WDR26: variants seen among roughly 807,000 people sequenced by gnomAD.
WDR26 encodes the protein WD repeat-containing protein 26.
A neutral mutation model predicts 84.1 loss-of-function variants in WDR26; 5 were observed. The observed-to-expected ratio is 0.06, with a 90% CI of 0.03 to 0.13. The LOEUF (loss-of-function observed/expected upper bound fraction) is 0.13, where lower values mean the gene tolerates loss of function less well. WDR26 is among the 10% of genes least tolerant of loss of function. The pLI is 1.00. For synonymous variants in WDR26, 415 were observed against 389.6 expected (o/e 1.07, Z -0.77); for missense variants, 642 against 974.9 (o/e 0.66, Z 4.55).
chr1:224,401,671 C>CAAAAAAAA (rs767368281), intron 8 of WDR26, among the ~76,000 whole-genome samples: 133 of 49,576 alleles, frequency 2.7e-3, no homozygotes, highest in African/African-American at 0.013. Context: ...GAGACTGTCT[C>CAAAAAAAA]AAAAAAAAAA....
At chr1:224,422,859 A>G (rs556937087) in intron 4 of WDR26, among the ~76,000 whole-genome samples, 1 of 152,334 alleles carries the variant, frequency 6.6e-6, no homozygotes, top group Admixed American at 6.5e-5. Context: ...ATTTTTTAGA[A>G]TTAGGCCATA....
At chr1:224,409,168 G>A (rs1411046588) in intron 7 of WDR26, among the ~76,000 whole-genome samples, 1 of 152,088 alleles carries the variant, frequency 6.6e-6, no homozygotes, top group Non-Finnish European at 1.5e-5. Flanking sequence ...TATTATAGTT[G>A]TTGCAGATAC....
chr1:224,433,998 C>T lies in WDR26; in HGVS notation c.408G>A (p.Ser136=), dbSNP rs1331624290. 3 of 1,518,458 alleles carry T rather than the reference C, an allele frequency of 2.0e-6. No individual in the cohort carries two copies. Among genetic ancestry groups the T allele is most frequent in the Non-Finnish European group, 2.6e-6 (3 of 1,135,552 alleles). The allele number at this position is 1,518,458 out of a possible 1,614,324, so 94.1% of individuals were successfully genotyped here. ...AGGGGGACGACTCCCCGTTCTGGGCCGACAAGCAGGCGAGTTCCGGGGTCT... is the reference window on the plus strand; with the variant it reads ...AGGGGGACGACTCCCCGTTCTGGGCTGACAAGCAGGCGAGTTCCGGGGTCT... Residue 136 remains serine, a synonymous_variant, in exon 1 of 14, where the codon TCG becomes TCA. Coordinates refer to ENST00000414423, the MANE Select transcript of WDR26 (RefSeq NM_001379403.1).
At chr1:224,396,689 T>C (rs1673271882) in intron 12 of WDR26, among the ~76,000 whole-genome samples, 1 of 152,198 alleles carries the variant, frequency 6.6e-6, no homozygotes, top group African/African-American at 2.4e-5. Context: ...CTGGGCGCGG[T>C]GGCTCATGCC....
At chr1:224,407,151 A>AATATATATATATATATAT (rs1335487396) in intron 7 of WDR26, among the ~76,000 whole-genome samples, 257 of 11,820 alleles carry the variant, frequency 0.022, 15 homozygotes, top group Non-Finnish European at 0.024. Flanking sequence ...AAAAAAAAAA[A>AATATATATATATATATAT]ATATATATAT....
chr1:224,391,024 C>T (rs1430246640), intron 13 of WDR26, among the ~76,000 whole-genome samples: 1 of 151,848 alleles, frequency 6.6e-6, no homozygotes, highest in Non-Finnish European at 1.5e-5. Flanking sequence ...ATATTGTTTT[C>T]AAGGTCCATT....
rs965380999 is a variant in WDR26 at position 224,385,901 on chromosome 1, G to A, written c.*3934C>T. ...ACTTCACATGTGCACGAGACTTTCA[G>A]TAAAAATGACAAGATCCTAGAACAG... On this transcript the variant is annotated 3_prime_UTR_variant, in exon 14 of 14. Coordinates refer to ENST00000414423, the MANE Select transcript of WDR26 (RefSeq NM_001379403.1). The A allele has an allele frequency of 2.6e-5, 4 of 152,202 alleles. No individual in the cohort carries two copies. Among genetic ancestry groups the A allele is most frequent in the African/African-American group, 9.7e-5 (4 of 41,396 alleles). 9.4% of individuals were successfully genotyped at this position (152,202 alleles called of 1,614,324 possible).
rs1672985774 is a variant in WDR26, at chr1:224,386,093, C to G, written c.*3742G>C. 1 of 152,576 alleles carries G rather than the reference C, an allele frequency of 6.6e-6. No homozygotes were observed. Among genetic ancestry groups the G allele is most frequent in the Non-Finnish European group, 1.5e-5 (1 of 68,014 alleles). The allele number at this position is 152,576 out of a possible 1,614,324, so 9.5% of individuals were successfully genotyped here. ...TATTTTTGTAACTATAGGGCAGCTA[C>G]TATAACAATAGCTTAACAACACTGA... On this transcript the variant is annotated 3_prime_UTR_variant, in exon 14 of 14. Coordinates refer to ENST00000414423, the MANE Select transcript of WDR26 (RefSeq NM_001379403.1).
chr1:224,405,792 G>A (rs1673533048), intron 7 of WDR26, among the ~76,000 whole-genome samples: 1 of 152,188 alleles, frequency 6.6e-6, no homozygotes, highest in African/African-American at 2.4e-5. Flanking sequence ...TGACAAGGCT[G>A]CAAGAGTTGA....
At chr1:224,409,612 A>C (rs1413262983) in intron 7 of WDR26, among the ~76,000 whole-genome samples, 1 of 152,228 alleles carries the variant, frequency 6.6e-6, no homozygotes, top group African/African-American at 2.4e-5. Flanking sequence ...CAGTAATCCC[A>C]GCACTTTGGG....
chr1:224,426,623 C>CT (rs1674216346), intron 3 of WDR26, among the ~76,000 whole-genome samples: 2 of 150,252 alleles, frequency 1.3e-5, no homozygotes, highest in Non-Finnish European at 3.0e-5. Context: ...AATGAAAAAA[C>CT]TTTGTCATTC....
intron 8 of WDR26, among the ~76,000 whole-genome samples, chr1:224,401,471 T>G (rs147557841): frequency 7.2e-5 from 11 of 151,896 alleles, no homozygotes; most frequent in African/African-American, 2.4e-4. Flanking sequence ...ATTCTACAAC[T>G]GCAGTTAATG....
chr1:224,411,604 G>GA, intron 6 of WDR26, 39 bp from the exon 7 acceptor site: 1 of 1,515,630 alleles, frequency 6.6e-7, no homozygotes. Flanking sequence ...TTTCAAAACA[G>GA]ATTAGAGTAA....
intron 9 of WDR26, among the ~76,000 whole-genome samples, chr1:224,400,172 A>G (rs987680662): frequency 4.6e-5 from 7 of 152,176 alleles, no homozygotes; most frequent in Non-Finnish European, 1.0e-4. Context: ...CAACAATTCA[A>G]AATAATTAGG....
At chr1:224,419,884 C>CTGT (rs55917431) in intron 4 of WDR26, among the ~76,000 whole-genome samples, 2 of 151,978 alleles carry the variant, frequency 1.3e-5, no homozygotes, top group African/African-American at 2.4e-5. Flanking sequence ...TGTGCAGGTT[C>CTGT]TAGCACTCAA....
intron 8 of WDR26, among the ~76,000 whole-genome samples, chr1:224,403,089 G>A (rs1242414019): frequency 6.6e-6 from 1 of 151,372 alleles, no homozygotes; most frequent in Non-Finnish European, 1.5e-5. Context: ...TTTGAGATGG[G>A]AGTCTCACTC....
At chr1:224,393,789 A>C (rs1673187197) in intron 13 of WDR26, 39 bp downstream of exon 13, 1 of 1,432,344 alleles carries the variant, frequency 7.0e-7, no homozygotes, top group Admixed American at 2.1e-5. Context: ...GTGATGTTTC[A>C]TTTGGACAAA....
At chr1:224,429,729 TGA>T (rs745934933) in intron 3 of WDR26, 16 of 152,344 alleles carry the variant, frequency 1.1e-4, no homozygotes, top group Admixed American at 9.1e-4. Context: ...TTCTACAGAC[TGA>T]ACAGGCTGTA....
At chr1:224,407,151 A>AAAAAAGAATATATATATATAT in intron 7 of WDR26, among the ~76,000 whole-genome samples, 379 of 11,880 alleles carry the variant, frequency 0.032, 53 homozygotes, top group Non-Finnish European at 0.048. Flanking sequence ...AAAAAAAAAA[A>AAAAAAGAATATATATATATAT]ATATATATAT....
Sources: allele counts gnomAD v4.1 joint callset (sites outside exome capture counted in the v4.1 genomes callset), GRCh38; gene constraint gnomAD v4.1.1; transcripts MANE v1.5; gene names NCBI Gene and HGNC (gene_info 2026-07-23, HGNC 2026-07-21).